PAK1: variants seen among roughly 807,000 people sequenced by gnomAD.
PAK1 encodes serine/threonine-protein kinase PAK 1.
PAK1 carries 29 observed loss-of-function variants against 67.4 expected under a neutral mutation model. The ratio of observed to expected loss-of-function variants is 0.43; its 90% CI spans 0.32 to 0.59. The LOEUF (loss-of-function observed/expected upper bound fraction) is 0.59, where lower values mean the gene tolerates loss of function less well. Ranked by LOEUF, PAK1 falls within the 20% of genes least tolerant of loss-of-function variation. The pLI is 0.07. For missense variants in PAK1, 337 were observed against 670.7 expected, an observed-to-expected ratio of 0.50 and a Z score of 5.50; for synonymous variants, 223 against 237.4, an observed-to-expected ratio of 0.94 and a Z score of 0.56.
intron 2 of PAK1, among the ~76,000 whole-genome samples, chr11:77,380,723 A>T (rs1002820991): frequency 5.3e-5 from 8 of 152,216 alleles, no homozygotes; most frequent in African/African-American, 1.9e-4. Context: ...TACCAGACTG[A>T]ATTCTAAGTG....
chr11:77,351,421 C>T (rs1591839010), intron 8 of PAK1, among the ~76,000 whole-genome samples: 1 of 152,164 alleles, frequency 6.6e-6, no homozygotes, highest in Non-Finnish European at 1.5e-5. Flanking sequence ...CCTGACTTGC[C>T]TATGCTTGTC....
chr11:77,374,378 A>G lies in PAK1; in HGVS notation c.440-13T>C, dbSNP rs546797144. 11 of 1,579,334 alleles carry G rather than the reference A, an allele frequency of 7.0e-6. No individual in the cohort carries two copies. The highest frequency in any genetic ancestry group is 8.7e-6 in the Non-Finnish European group (10 of 1,148,900). ...TCAGCTGACTTATCTGCACAGGAAGAAAAACAAGGGACTTAGTCAATAACA... is the reference window on the plus strand; with the variant it reads ...TCAGCTGACTTATCTGCACAGGAAGGAAAACAAGGGACTTAGTCAATAACA... On this transcript the variant is annotated splice_polypyrimidine_tract_variant and intron_variant, in intron 4 of 14. Coordinates refer to ENST00000356341, the MANE Select transcript of PAK1 (RefSeq NM_002576.5).
chr11:77,474,511 A>G (rs1220772728), upstream of PAK1: 1 of 152,172 alleles, frequency 6.6e-6, no homozygotes, highest in African/African-American at 2.4e-5. Flanking sequence ...GGGCTACTGT[A>G]GTAGTCAGGA....
chr11:77,429,632 A>G (rs565274841), intron 1 of PAK1, among the ~76,000 whole-genome samples: 1 of 152,212 alleles, frequency 6.6e-6, no homozygotes, highest in Non-Finnish European at 1.5e-5. Flanking sequence ...GCTTTATCTG[A>G]TATTCTACAA....
chr11:77,373,562 T>TA (rs34413403), intron 5 of PAK1, among the ~76,000 whole-genome samples: 30,614 of 120,654 alleles, frequency 0.25, 4,089 homozygotes, highest in Non-Finnish European at 0.33. Flanking sequence ...CTCGTCTCTT[T>TA]AAAAAAAAAA....
intron 1 of PAK1, among the ~76,000 whole-genome samples, chr11:77,395,039 G>A (rs549056056): frequency 1.4e-4 from 21 of 152,172 alleles, no homozygotes; most frequent in African/African-American, 4.3e-4. Flanking sequence ...ATATCCCATA[G>A]CTTTTACACT....
At chr11:77,455,229 G>C (rs1232409763) in intron 1 of PAK1, among the ~76,000 whole-genome samples, 1 of 151,958 alleles carries the variant, frequency 6.6e-6, no homozygotes, top group East Asian at 1.9e-4. Flanking sequence ...TATTCTCTAG[G>C]GCATAATGTA....
At chr11:77,478,259 CTTG>C (rs1429806870), upstream of PAK1, among the ~76,000 whole-genome samples, 1 of 151,904 alleles carries the variant, frequency 6.6e-6, no homozygotes, top group Admixed American at 6.6e-5. Flanking sequence ...TATTCAAGGA[CTTG>C]TTGTATTTCA....
chr11:77,331,830 AAAAT>A (rs1941607992), intron 14 of PAK1, among the ~76,000 whole-genome samples: 1 of 151,166 alleles, frequency 6.6e-6, no homozygotes, highest in Admixed American at 6.6e-5. Context: ...AAAAGAAAGA[AAAAT>A]AAAACATAAA....
intron 9 of PAK1, among the ~76,000 whole-genome samples, chr11:77,346,175 C>T (rs960505117): frequency 7.9e-5 from 12 of 152,070 alleles, no homozygotes; most frequent in Admixed American, 6.6e-4. Flanking sequence ...GGTTTCACCA[C>T]GTTGGCCAGG....
intron 5 of PAK1, among the ~76,000 whole-genome samples, chr11:77,367,939 G>A (rs548199621): frequency 1.8e-4 from 27 of 152,286 alleles, no homozygotes; most frequent in African/African-American, 4.8e-4. Context: ...AGATCACGCC[G>A]CTGCACTCCA....
upstream of PAK1, among the ~76,000 whole-genome samples, chr11:77,478,043 G>A (rs1169346586): frequency 1.3e-5 from 2 of 152,198 alleles, no homozygotes; most frequent in Admixed American, 6.5e-5. Flanking sequence ...AGGATGCTAC[G>A]TAAGCTATTC....
At chr11:77,375,604 CTTTA>C (rs1264389188) in intron 4 of PAK1, among the ~76,000 whole-genome samples, 1 of 152,174 alleles carries the variant, frequency 6.6e-6, no homozygotes, top group Non-Finnish European at 1.5e-5. Context: ...TAATTGGCAG[CTTTA>C]TTTTCTTTGA....
At chr11:77,501,335 C>T in the PAK1 span, among the ~76,000 whole-genome samples, 6 of 152,174 alleles carry the variant, frequency 3.9e-5, no homozygotes, top group African/African-American at 1.2e-4. Context: ...TTCCCCGGCC[C>T]TTCACTCCAC....
intron 1 of PAK1, among the ~76,000 whole-genome samples, chr11:77,459,153 A>G (rs1386185381): frequency 6.6e-6 from 1 of 152,228 alleles, no homozygotes; most frequent in African/African-American, 2.4e-5. Context: ...CTGAAGAGGT[A>G]GGTGAGGTCA....
intron 1 of PAK1, among the ~76,000 whole-genome samples, chr11:77,431,941 C>CACAAGGTA (rs1955880535): frequency 6.6e-6 from 1 of 152,136 alleles, no homozygotes; most frequent in Non-Finnish European, 1.5e-5. Flanking sequence ...CTGTTTATCA[C>CACAAGGTA]ACATCAACAC....
At chr11:77,458,584 C>T (rs989925739) in intron 1 of PAK1, among the ~76,000 whole-genome samples, 5 of 152,180 alleles carry the variant, frequency 3.3e-5, no homozygotes, top group African/African-American at 1.2e-4. Context: ...TTAGAATCCA[C>T]TTGCATTACA....
intron 14 of PAK1, among the ~76,000 whole-genome samples, chr11:77,326,825 C>T (rs1157537650): frequency 3.9e-5 from 6 of 152,134 alleles, no homozygotes; most frequent in Non-Finnish European, 8.8e-5. Flanking sequence ...CTCAGATGAT[C>T]AGACTACTCT....
chr11:77,452,655 G>A (rs1014291541), intron 1 of PAK1, among the ~76,000 whole-genome samples: 7 of 152,084 alleles, frequency 4.6e-5, no homozygotes, highest in African/African-American at 7.2e-5. Flanking sequence ...CAGTATAGAC[G>A]AAGGTGGAAA....
Sources: allele counts gnomAD v4.1 joint callset (sites outside exome capture counted in the v4.1 genomes callset), GRCh38; gene constraint gnomAD v4.1.1; transcripts MANE v1.5; gene names NCBI Gene and HGNC (gene_info 2026-07-23, HGNC 2026-07-21).